The following SLCO3A1 variants were observed in gnomAD, a reference collection of about 807,000 sequenced individuals.
The protein encoded by SLCO3A1 is solute carrier organic anion transporter family member 3A1, also known as PGE1 transporter.
SLCO3A1 carries 27 observed loss-of-function variants against 63.1 expected under a neutral mutation model. That is an observed-to-expected ratio of 0.43 (90% CI 0.32 to 0.59). The LOEUF is 0.59. Among genes scored for constraint, SLCO3A1 ranks in the 20% least tolerant of loss-of-function variants. The pLI is 0.09. For synonymous variants in SLCO3A1, 473 were observed against 409.9 expected, an observed-to-expected ratio of 1.15 and a Z score of -1.86; for missense variants, 773 against 945.8, an observed-to-expected ratio of 0.82 and a Z score of 2.40.
chr15:92,025,606 G>T (rs1475040190), intron 2 of SLCO3A1, among the ~76,000 whole-genome samples: 1 of 152,178 alleles, frequency 6.6e-6, no homozygotes, highest in African/African-American at 2.4e-5. Flanking sequence ...TACAAGGCAG[G>T]TATATCCTAT....
chr15:92,059,197 G>C (rs1441843261), intron 2 of SLCO3A1, among the ~76,000 whole-genome samples: 1 of 152,146 alleles, frequency 6.6e-6, no homozygotes, highest in African/African-American at 2.4e-5. Context: ...TCTTCCCTAG[G>C]GGGGTGTTTC....
At chr15:92,151,444 G>C (rs921763566) in intron 9 of SLCO3A1, among the ~76,000 whole-genome samples, 5 of 152,198 alleles carry the variant, frequency 3.3e-5, no homozygotes, top group African/African-American at 1.2e-4. Flanking sequence ...TTTCCAAACT[G>C]ACTTAGTTTG....
At chr15:92,118,831 C>T (rs935341693) in intron 4 of SLCO3A1, among the ~76,000 whole-genome samples, 1 of 91,470 alleles carries the variant, frequency 1.1e-5, no homozygotes, top group Non-Finnish European at 2.3e-5. Context: ...GTCAGATACT[C>T]CACACTTTAT....
At chr15:91,975,193 A>G (rs1184876626) in intron 2 of SLCO3A1, among the ~76,000 whole-genome samples, 1 of 152,230 alleles carries the variant, frequency 6.6e-6, no homozygotes, top group South Asian at 2.1e-4. Flanking sequence ...TAAGAGTGTC[A>G]TGTTCTAGAG....
intron 2 of SLCO3A1, among the ~76,000 whole-genome samples, chr15:92,016,175 A>T (rs1452089221): frequency 2.6e-5 from 4 of 151,654 alleles, no homozygotes; most frequent in Admixed American, 2.6e-4. Flanking sequence ...CCAGGTCTTG[A>T]TGTTGCAGAT....
At chr15:92,138,035 A>G (rs1226678639) in intron 7 of SLCO3A1, among the ~76,000 whole-genome samples, 1 of 110,854 alleles carries the variant, frequency 9.0e-6, no homozygotes, top group Admixed American at 9.5e-5. Flanking sequence ...TGTTTTGGAC[A>G]TGAAGTCCTT....
At chr15:91,963,857 G>A (rs145567201) in intron 2 of SLCO3A1, among the ~76,000 whole-genome samples, 38 of 152,146 alleles carry the variant, frequency 2.5e-4, no homozygotes, top group Admixed American at 3.9e-4. Flanking sequence ...AAGCTTCCAC[G>A]GCGTGGAAGG....
chr15:92,014,842 A>T (rs1358564112), intron 2 of SLCO3A1, among the ~76,000 whole-genome samples: 1 of 152,056 alleles, frequency 6.6e-6, no homozygotes, highest in Non-Finnish European at 1.5e-5. Context: ...GCAAGGAGAC[A>T]GAGTAGGCAT....
chr15:91,887,429 G>A (rs919188722), intron 1 of SLCO3A1, among the ~76,000 whole-genome samples: 2 of 152,086 alleles, frequency 1.3e-5, no homozygotes, highest in African/African-American at 4.8e-5. Context: ...CATTGCGGCC[G>A]CTAACCCTGC....
intron 2 of SLCO3A1, among the ~76,000 whole-genome samples, chr15:92,007,183 A>G (rs1177636506): frequency 6.6e-6 from 1 of 152,228 alleles, no homozygotes; most frequent in Admixed American, 6.5e-5. Flanking sequence ...GGTCAGTTTC[A>G]TGGTAGGTGC....
chr15:92,087,513 A>ATTT (rs1454617874), intron 2 of SLCO3A1, among the ~76,000 whole-genome samples: 6 of 136,616 alleles, frequency 4.4e-5, no homozygotes, highest in African/African-American at 1.8e-4. Context: ...TTTATTATCT[A>ATTT]TTATTTTTTT....
rs544426511 is a variant in SLCO3A1 at position 92,165,709 on chromosome 15, C to T, written c.*2574C>T. 22 of 985,176 alleles carry T rather than the reference C, an allele frequency of 2.2e-5. No homozygotes were observed. In the African/African-American group the frequency reaches 3.8e-4, roughly 17 times the overall value. The allele number at this position is 985,176 out of a possible 1,614,324, so 61.0% of individuals were successfully genotyped here. A position where few individuals can be genotyped will look rare whatever the true frequency, so the allele number is the denominator to read the frequency against. On this transcript the variant is annotated 3_prime_UTR_variant, in exon 10 of 10. Transcript: ENST00000318445. Reference sequence around the variant, plus strand: ...CGTCTTTTAAAATTTTAATTATTCTCATATAGTACCGAACAGAAAACTCAG... The same window carrying T: ...CGTCTTTTAAAATTTTAATTATTCTTATATAGTACCGAACAGAAAACTCAG...
intron 2 of SLCO3A1, among the ~76,000 whole-genome samples, chr15:91,922,632 G>A (rs778402715): frequency 9.9e-5 from 15 of 152,164 alleles, no homozygotes; most frequent in Non-Finnish European, 1.9e-4. Flanking sequence ...TCCAAAGAAC[G>A]TGGATTGGGT....
chr15:91,956,771 T>A (rs980043902), intron 2 of SLCO3A1, among the ~76,000 whole-genome samples: 6 of 148,214 alleles, frequency 4.0e-5, no homozygotes, highest in Non-Finnish European at 7.4e-5. Flanking sequence ...GCTGTGGCCT[T>A]GCCTTGCCTT....
chr15:91,942,044 T>G lies in SLCO3A1; in HGVS notation c.646+25586T>G, dbSNP rs1899641032. Among the ~76,000 whole-genome samples, 1 of 152,210 alleles carries G rather than the reference T, an allele frequency of 6.6e-6. No homozygotes were observed. Among genetic ancestry groups the G allele is most frequent in the South Asian group, 2.1e-4 (1 of 4,836 alleles). On this transcript the variant is annotated intron_variant, in intron 2 of 9. Coordinates refer to ENST00000318445, the MANE Select transcript of SLCO3A1 (RefSeq NM_013272.4). The surrounding 1 kb of genome is among the most constrained non-coding windows in gnomAD (Gnocchi z 4.1). Reference sequence around the variant, plus strand: ...AGAGTTTGTCATAAGCTTAATTTATTCAATTTAGAGTCTTGTTCTTTATTC... The same window carrying G: ...AGAGTTTGTCATAAGCTTAATTTATGCAATTTAGAGTCTTGTTCTTTATTC...
rs547225533 is a variant in SLCO3A1, at chr15:92,068,154, C to T, written c.647-26727C>T. 3.3e-5 allele frequency among the ~76,000 whole-genome samples: 5 copies of T among 152,288 alleles called. No individual in the cohort carries two copies. In the East Asian group the frequency reaches 7.7e-4, roughly 23 times the overall value. On this transcript the variant is annotated intron_variant, in intron 2 of 9. Transcript: ENST00000318445. ...GCCAGGCTACCTCCTAATAATACTGCCAAGCGAAATCAGATGGTGCAGGCG... is the reference window on the plus strand; with the variant it reads ...GCCAGGCTACCTCCTAATAATACTGTCAAGCGAAATCAGATGGTGCAGGCG...
rs140601130 is a variant in SLCO3A1, at chr15:91,860,219, G to A, written c.180+6131G>A. The stretch of plus-strand genomic sequence containing the variant: ...GAGGTCCTCAGTATCTCTTGCTGTG[G>A]TCTGTGGCCACTGGGTGCTGAAGGC... On this transcript the variant is annotated intron_variant, in intron 1 of 9. Coordinates refer to ENST00000318445, the MANE Select transcript of SLCO3A1 (RefSeq NM_013272.4). This position sits in a 1 kb window ranked among gnomAD's most constrained non-coding sequence, Gnocchi z 5.5. Among the ~76,000 whole-genome samples, 258 of 152,276 alleles carry A rather than the reference G, an allele frequency of 1.7e-3. 3 individuals are homozygous for A. The highest frequency in any genetic ancestry group is 0.014 in the Middle Eastern group (4 of 294).
At chr15:92,122,034 G>T (rs928879237) in intron 5 of SLCO3A1, among the ~76,000 whole-genome samples, 2 of 152,208 alleles carry the variant, frequency 1.3e-5, no homozygotes, top group African/African-American at 4.8e-5. Context: ...AGAGGACATG[G>T]CCTGTGGCAT....
chr15:92,088,155 CCTT>C (rs1407638877), intron 2 of SLCO3A1, among the ~76,000 whole-genome samples: 2 of 152,202 alleles, frequency 1.3e-5, no homozygotes, highest in Non-Finnish European at 1.5e-5. Flanking sequence ...GTCACTCACT[CCTT>C]CTTCTGCATG....
Sources: allele counts gnomAD v4.1 joint callset (sites outside exome capture counted in the v4.1 genomes callset), GRCh38; gene constraint gnomAD v4.1.1; non-coding constraint Gnocchi (gnomAD v3.1); transcripts MANE v1.5; gene names NCBI Gene and HGNC (gene_info 2026-07-23, HGNC 2026-07-21).